Variants in DYNC2LI1 observed in about 807,000 individuals in gnomAD.
DYNC2LI1 encodes cytoplasmic dynein 2 light intermediate chain 1.
DYNC2LI1 carries 45 observed loss-of-function variants against 51.9 expected under a neutral mutation model. The ratio of observed to expected loss-of-function variants is 0.87; its 90% CI spans 0.68 to 1.11. The LOEUF is 1.11. Among genes scored for constraint, DYNC2LI1 ranks in the 50% most tolerant of loss-of-function variants. The pLI is 0.00. For synonymous variants in DYNC2LI1, 130 were observed against 137.8 expected (o/e 0.94, Z 0.40); for missense variants, 490 against 417.4 (o/e 1.17, Z -1.51).
At chr2:43,797,515 CTTTTTTTTT>C (rs557695536) in intron 8 of DYNC2LI1, among the ~76,000 whole-genome samples, 1 of 110,696 alleles carries the variant, frequency 9.0e-6, no homozygotes, top group Non-Finnish European at 1.7e-5. Context: ...AATATAACAA[CTTTTTTTTT>C]TTTTTTTTTT....
downstream of DYNC2LI1, chr2:43,810,602 G>T: frequency 1.2e-6 from 1 of 841,132 alleles, no homozygotes; most frequent in Non-Finnish European, 1.4e-6. Flanking sequence ...TTGACTCCCA[G>T]CTTCAGATAA....
At chr2:43,825,900 G>A in the DYNC2LI1 span, among the ~76,000 whole-genome samples, 3 of 152,224 alleles carry the variant, frequency 2.0e-5, no homozygotes, top group African/African-American at 7.2e-5. Flanking sequence ...CATGGTAGGT[G>A]CTGAAAGAAG....
At position 43,794,905 on chromosome 2, in the gene DYNC2LI1, G is replaced by C. The variant is rs189317654; in HGVS notation, c.507+262G>C. ...CCAATCAGAGAAATAGAGTTTTAAA[G>C]TAGTGGTTTGATATTGATTTTATAA... On this transcript the variant is annotated intron_variant, in intron 6 of 12. Coordinates refer to ENST00000260605, the MANE Select transcript of DYNC2LI1 (RefSeq NM_016008.4). 1.8e-5 allele frequency: 25 copies of C among 1,371,760 alleles called. No individual in the cohort carries two copies. In the Admixed American group the frequency reaches 2.2e-4, roughly 12 times the overall value. The allele number at this position is 1,371,760 out of a possible 1,614,324, so 85.0% of individuals were successfully genotyped here.
rs533281808 is a variant in DYNC2LI1 at position 43,781,366 on chromosome 2, C to CAA, written c.127-2144_127-2143dup. Among the ~76,000 whole-genome samples, 521 of 136,804 alleles carry CAA rather than the reference C, an allele frequency of 3.8e-3. 1 individual carries two copies. The highest frequency in any genetic ancestry group is 8.0e-3 in the African/African-American group (307 of 38,382). The allele number at this position is 136,804 out of a possible 152,430, so 89.7% of individuals were successfully genotyped here. ...TATGCAACAGAGGGAGACTCTGTCT[C>CAA]AAAAAAAAAAACAAAAAAGGCGAGG... On this transcript the variant is annotated intron_variant, in intron 2 of 12. Transcript: ENST00000260605.
At chr2:43,810,589 A>G (rs563559162), downstream of DYNC2LI1, 2 of 900,378 alleles carry the variant, frequency 2.2e-6, no homozygotes, top group East Asian at 2.4e-4. Context: ...CATACAAAAT[A>G]TATTGACTCC....
At chr2:43,810,529 G>A (rs1444388805), downstream of DYNC2LI1, 10 of 984,184 alleles carry the variant, frequency 1.0e-5, no homozygotes, top group Non-Finnish European at 1.2e-5. Flanking sequence ...TTTTGAGTAA[G>A]TATAATTGCT....
At chr2:43,801,556 A>G (rs1558693762) in intron 9 of DYNC2LI1, 83 bp from the exon 10 acceptor site, 4 of 958,638 alleles carry the variant, frequency 4.2e-6, no homozygotes, top group Non-Finnish European at 6.5e-6. Flanking sequence ...ACTAGCCGAT[A>G]ATATTGCTGT....
At chr2:43,818,479 C>G in the DYNC2LI1 span, among the ~76,000 whole-genome samples, 2 of 152,110 alleles carry the variant, frequency 1.3e-5, no homozygotes, top group Non-Finnish European at 2.9e-5. Flanking sequence ...ACGGTTTCTA[C>G]AGAACGAGTA....
At chr2:43,822,969 T>C in the DYNC2LI1 span, 21 of 1,611,774 alleles carry the variant, frequency 1.3e-5, no homozygotes, top group Non-Finnish European at 1.7e-5. Flanking sequence ...GAACAGTCAG[T>C]CACCACCCAG....
chr2:43,798,196 A>G (rs1665954464), intron 8 of DYNC2LI1, among the ~76,000 whole-genome samples: 1 of 152,232 alleles, frequency 6.6e-6, no homozygotes, highest in African/African-American at 2.4e-5. Flanking sequence ...AGAGGAACCT[A>G]GAGACAACAT....
intron 3 of DYNC2LI1, among the ~76,000 whole-genome samples, chr2:43,784,485 G>T (rs1359482818): frequency 6.6e-6 from 1 of 151,852 alleles, no homozygotes; most frequent in Non-Finnish European, 1.5e-5. Flanking sequence ...TGTTGCCCAG[G>T]CTGGAGTGCA....
the DYNC2LI1 span, among the ~76,000 whole-genome samples, chr2:43,823,145 T>A: frequency 1.3e-5 from 2 of 152,200 alleles, no homozygotes; most frequent in African/African-American, 4.8e-5. Flanking sequence ...GCAATACAAT[T>A]GCAAAAGATG....
At chr2:43,825,044 T>C in the DYNC2LI1 span, 1 of 1,612,206 alleles carries the variant, frequency 6.2e-7, no homozygotes, top group Non-Finnish European at 8.5e-7. Flanking sequence ...ACGTAGTTAG[T>C]GTGTGATCAC....
the DYNC2LI1 span, among the ~76,000 whole-genome samples, chr2:43,821,880 C>T: frequency 2.6e-5 from 4 of 152,122 alleles, no homozygotes; most frequent in African/African-American, 9.6e-5. Context: ...CTCTCTCCCC[C>T]TCTCTTCCCG....
the DYNC2LI1 span, chr2:43,823,053 G>A: frequency 3.5e-6 from 5 of 1,411,330 alleles, no homozygotes; most frequent in South Asian, 2.5e-5. Flanking sequence ...AGCTAGGGGG[G>A]TTCCCTAGTC....
the DYNC2LI1 span, chr2:43,826,251 C>G: frequency 7.2e-7 from 1 of 1,390,876 alleles, no homozygotes; most frequent in South Asian, 1.2e-5. Context: ...CCTCCTGCCT[C>G]AGCCTCCCAA....
At chr2:43,788,347 A>G (rs1028788746) in intron 4 of DYNC2LI1, among the ~76,000 whole-genome samples, 2 of 152,210 alleles carry the variant, frequency 1.3e-5, no homozygotes, top group African/African-American at 2.4e-5. Flanking sequence ...TTTATTGACA[A>G]TCTGTCTCTT....
the DYNC2LI1 span, among the ~76,000 whole-genome samples, chr2:43,825,491 A>G: frequency 6.6e-6 from 1 of 152,336 alleles, no homozygotes; most frequent in Non-Finnish European, 1.5e-5. Flanking sequence ...GGAAATCAGT[A>G]TGATTTCGTG....
chr2:43,804,956 C>G (rs957354337), intron 11 of DYNC2LI1, among the ~76,000 whole-genome samples, 198 bp from the exon 12 acceptor site: 5 of 150,376 alleles, frequency 3.3e-5, no homozygotes, highest in African/African-American at 9.8e-5. Context: ...AGTTATCTGG[C>G]TGTTAGAGAA....
Sources: allele counts gnomAD v4.1 joint callset (sites outside exome capture counted in the v4.1 genomes callset), GRCh38; gene constraint gnomAD v4.1.1; transcripts MANE v1.5; gene names NCBI Gene and HGNC (gene_info 2026-07-23, HGNC 2026-07-21).